ARSB: variants seen among roughly 807,000 people sequenced by gnomAD.
The protein encoded by ARSB is arylsulfatase B, also known as N-acetylgalactosamine-4-sulfatase.
In ARSB, 41 loss-of-function variants were observed where a neutral mutation model predicts 50.9. The observed-to-expected ratio is 0.81, with a 90% CI of 0.63 to 1.04. The LOEUF is 1.04. ARSB is among the 50% of genes least tolerant of loss of function. ARSB has a pLI of 0.00. For synonymous variants in ARSB, 269 were observed against 284.8 expected (o/e 0.94, Z 0.56); for missense variants, 672 against 693.3 (o/e 0.97, Z 0.35).
chr5:78,902,523 T>C (rs1398240561), intron 4 of ARSB, among the ~76,000 whole-genome samples: 1 of 152,212 alleles, frequency 6.6e-6, no homozygotes, highest in Non-Finnish European at 1.5e-5. Flanking sequence ...AACTGATTAA[T>C]GGATTTTTTA....
chr5:78,888,990 T>C (rs1439202854), intron 4 of ARSB, among the ~76,000 whole-genome samples: 1 of 152,254 alleles, frequency 6.6e-6, no homozygotes, highest in Non-Finnish European at 1.5e-5. Flanking sequence ...CAACTGCAGA[T>C]GTGGCCTCAG....
chr5:78,842,984 T>C (rs1745293476), intron 5 of ARSB, among the ~76,000 whole-genome samples: 1 of 152,176 alleles, frequency 6.6e-6, no homozygotes, highest in Non-Finnish European at 1.5e-5. Flanking sequence ...ATTCTCAAAC[T>C]TTGCTGTACA....
chr5:78,819,757 G>A (rs535197852), intron 6 of ARSB, among the ~76,000 whole-genome samples: 73 of 152,350 alleles, frequency 4.8e-4, no homozygotes, highest in African/African-American at 1.7e-3. Flanking sequence ...ACTGAAGGGG[G>A]CCACAGAGGT....
chr5:78,847,959 T>C (rs1442581953), intron 5 of ARSB, among the ~76,000 whole-genome samples: 1 of 152,076 alleles, frequency 6.6e-6, no homozygotes, highest in South Asian at 2.1e-4. Context: ...TCTTGATTCA[T>C]CTAGCTAATT....
intron 5 of ARSB, among the ~76,000 whole-genome samples, chr5:78,871,191 C>T (rs1186962740): frequency 6.6e-6 from 1 of 151,392 alleles, no homozygotes; most frequent in Non-Finnish European, 1.5e-5. Context: ...GAAGAACATT[C>T]CATGCTCATG....
intron 4 of ARSB, among the ~76,000 whole-genome samples, chr5:78,923,148 G>C (rs1475910771): frequency 2.0e-5 from 3 of 152,218 alleles, no homozygotes; most frequent in Non-Finnish European, 4.4e-5. Context: ...AGCAACACCT[G>C]GATGTGTTAT....
At chr5:78,970,026 TCTGA>T (rs1402721013) in intron 1 of ARSB, among the ~76,000 whole-genome samples, 1 of 152,232 alleles carries the variant, frequency 6.6e-6, no homozygotes, top group Non-Finnish European at 1.5e-5. Context: ...AAAGCGGCCA[TCTGA>T]CTGCTGCTTG....
At position 78,964,426 on chromosome 5, in the gene ARSB, G is replaced by T. The variant is rs1361219867; in HGVS notation, c.680C>A (p.Pro227Gln). ...AGAAGCAAAACTTACCTTCTCTGGT[G>T]GATGGTTAGTTATGAGGGCTATAGC... ...KRAIALITNHPPEKPLFLYLA... is the reference protein window; with the variant it reads ...KRAIALITNHQPEKPLFLYLA... The change falls in exon 3 of 8, where the codon CCA becomes CAA. Residue 227 changes from proline (P) to glutamine (Q), a missense_variant. Pro to Gln is a moderately conservative substitution (Grantham distance 76). Transcript: ENST00000264914. 4 of 1,613,796 alleles carry T rather than the reference G, an allele frequency of 2.5e-6. No individual in the cohort carries two copies. The Admixed American group carries it at 5.0e-5, about 20-fold the overall frequency.
At position 78,909,636 on chromosome 5, in the gene ARSB, T is replaced by C. The variant is rs149539902; in HGVS notation, c.899-23809A>G. ...AGTCATCGCCATTCTCCATTCTCGA[T>C]AAACCAGGGGCACAATGCACTGCAG... On this transcript the variant is annotated intron_variant, in intron 4 of 7. Coordinates refer to ENST00000264914, the MANE Select transcript of ARSB (RefSeq NM_000046.5). 1.8e-4 allele frequency among the ~76,000 whole-genome samples: 28 copies of C among 152,316 alleles called. No individual in the cohort carries two copies. In the East Asian group the frequency reaches 3.5e-3, roughly 19 times the overall value.
At chr5:78,880,459 G>A (rs1747696645) in intron 5 of ARSB, among the ~76,000 whole-genome samples, 1 of 152,048 alleles carries the variant, frequency 6.6e-6, no homozygotes, top group Non-Finnish European at 1.5e-5. Context: ...GCAAGCCAGG[G>A]TTTACAACAT....
In ARSB at chr5:78,790,878, T is replaced by C. The variant is rs80160982; in HGVS notation, c.1214-8904A>G. On this transcript the variant is annotated intron_variant, in intron 6 of 7. Coordinates refer to ENST00000264914, the MANE Select transcript of ARSB (RefSeq NM_000046.5). Reference sequence around the variant, plus strand: ...CTGGTGTGGATTTAGAAAGGGTCTATATTTGTTCCCCCATTTATGTTCCAG... The same window carrying C: ...CTGGTGTGGATTTAGAAAGGGTCTACATTTGTTCCCCCATTTATGTTCCAG... Among the ~76,000 whole-genome samples, 3 of 152,352 alleles carry C rather than the reference T, an allele frequency of 2.0e-5. No homozygotes were observed. The East Asian group carries it at 5.8e-4, about 29-fold the overall frequency.
intron 5 of ARSB, among the ~76,000 whole-genome samples, chr5:78,850,079 C>A (rs2112038351): frequency 6.6e-6 from 1 of 151,768 alleles, no homozygotes; most frequent in African/African-American, 2.4e-5. Context: ...ATTGCCCTGG[C>A]CAGAACTTCC....
intron 6 of ARSB, among the ~76,000 whole-genome samples, chr5:78,784,845 C>T (rs1271014289): frequency 1.4e-5 from 2 of 145,224 alleles, no homozygotes; most frequent in African/African-American, 5.1e-5. Flanking sequence ...GTCACCCAGG[C>T]TGGAGTGCAG....
intron 1 of ARSB, among the ~76,000 whole-genome samples, chr5:78,972,272 T>C (rs1490158541): frequency 6.6e-6 from 1 of 152,216 alleles, no homozygotes; most frequent in Non-Finnish European, 1.5e-5. Context: ...TTCTAGGTTC[T>C]GGTAATTGGC....
At chr5:78,822,146 T>C (rs1744254824) in intron 6 of ARSB, among the ~76,000 whole-genome samples, 1 of 152,202 alleles carries the variant, frequency 6.6e-6, no homozygotes, top group African/African-American at 2.4e-5. Context: ...AAAGAGACAT[T>C]TTGTGACCTT....
At chr5:78,933,308 A>C (rs1750430079) in intron 4 of ARSB, among the ~76,000 whole-genome samples, 1 of 152,204 alleles carries the variant, frequency 6.6e-6, no homozygotes, top group Non-Finnish European at 1.5e-5. Flanking sequence ...ATTTACAACA[A>C]AATCCCTAAG....
At chr5:78,801,882 A>G (rs1276879152) in intron 6 of ARSB, among the ~76,000 whole-genome samples, 3 of 152,132 alleles carry the variant, frequency 2.0e-5, no homozygotes, top group Admixed American at 6.6e-5. Context: ...CTGCTCAGGA[A>G]TATCTAGTTT....
At chr5:78,981,871 A>C (rs1392050845) in intron 1 of ARSB, among the ~76,000 whole-genome samples, 1 of 152,188 alleles carries the variant, frequency 6.6e-6, no homozygotes, top group Non-Finnish European at 1.5e-5. Flanking sequence ...GGGGTCTGTA[A>C]ATATTAACTT....
In ARSB at chr5:78,841,676, G is replaced by A. The variant is rs1036455008; in HGVS notation, c.1143-2250C>T. On this transcript the variant is annotated intron_variant, in intron 5 of 7. Coordinates refer to ENST00000264914, the MANE Select transcript of ARSB (RefSeq NM_000046.5). ...AACATTTTCCTAATAACTTTAGAGA[G>A]AGTTTATATACATACTCTTCATTCA... 2.0e-5 allele frequency among the ~76,000 whole-genome samples: 3 copies of A among 152,154 alleles called. No individual in the cohort carries two copies. In the East Asian group the frequency reaches 5.8e-4, roughly 29 times the overall value.
Sources: gnomAD v4.1 joint callset for allele counts (sites outside exome capture counted in the v4.1 genomes callset) on GRCh38, gnomAD v4.1.1 for gene constraint, MANE v1.5 for transcripts, NCBI Gene and HGNC (gene_info 2026-07-23, HGNC 2026-07-21) for gene names.